HIVEP3: variants seen among roughly 807,000 people sequenced by gnomAD.
The protein encoded by HIVEP3 is transcription factor HIVEP3.
Under a neutral mutation model 152.8 loss-of-function variants are expected in HIVEP3, and 49 were observed. That is an observed-to-expected ratio of 0.32 (90% CI 0.26 to 0.41). The LOEUF is 0.41. HIVEP3 is among the 10% of genes least tolerant of loss of function. HIVEP3 has a pLI of 1.00. For missense variants in HIVEP3, 2,790 were observed against 3,103.3 expected (o/e 0.90, Z 2.40); for synonymous variants, 1,269 against 1,289.0 (o/e 0.98, Z 0.33).
chr1:41,783,639 T>C (rs1385903134), intron 1 of HIVEP3, among the ~76,000 whole-genome samples: 1 of 152,164 alleles, frequency 6.6e-6, no homozygotes, highest in East Asian at 1.9e-4. Context: ...GCATAGATCA[T>C]CTTTCCCTCA....
intron 1 of HIVEP3, among the ~76,000 whole-genome samples, chr1:41,845,171 T>C (rs893433302): frequency 6.6e-6 from 1 of 152,212 alleles, no homozygotes; most frequent in Non-Finnish European, 1.5e-5. Context: ...ACTTAAGTTT[T>C]TCCATGGTAT....
At chr1:41,729,187 T>C (rs1299248312) in intron 1 of HIVEP3, among the ~76,000 whole-genome samples, 2 of 152,128 alleles carry the variant, frequency 1.3e-5, no homozygotes, top group South Asian at 4.1e-4. Context: ...AACGAGATCC[T>C]GGGGGAAGCA....
At chr1:41,775,725 A>G (rs1300432849) in intron 1 of HIVEP3, among the ~76,000 whole-genome samples, 1 of 152,016 alleles carries the variant, frequency 6.6e-6, no homozygotes, top group Non-Finnish European at 1.5e-5. Context: ...CCTGATCCTC[A>G]TGTGGTCCAC....
intron 6 of HIVEP3, 95 bp downstream of exon 6, chr1:41,524,640 C>A: frequency 4.2e-6 from 5 of 1,189,412 alleles, no homozygotes; most frequent in African/African-American, 1.5e-5. Context: ...AGGCCCCCTG[C>A]AAAGAGGTCT....
At chr1:41,908,383 A>G (rs970386884) in intron 1 of HIVEP3, among the ~76,000 whole-genome samples, 1 of 152,190 alleles carries the variant, frequency 6.6e-6, no homozygotes, top group Admixed American at 6.6e-5. Context: ...TAAGACTCTT[A>G]TTGGCAGGTT....
intron 1 of HIVEP3, among the ~76,000 whole-genome samples, chr1:41,872,603 A>C (rs1413976027): frequency 6.6e-6 from 1 of 152,086 alleles, no homozygotes; most frequent in African/African-American, 2.4e-5. Context: ...TTCCCCCTAT[A>C]GATTAGTTTT....
chr1:42,030,606 T>C (rs2124540622), intron 1 of HIVEP3, among the ~76,000 whole-genome samples: 1 of 152,248 alleles, frequency 6.6e-6, no homozygotes, highest in Non-Finnish European at 1.5e-5. Flanking sequence ...TGCCTGGGCC[T>C]ATTCTTATTT....
chr1:41,883,643 C>T (rs1001980880), intron 1 of HIVEP3, among the ~76,000 whole-genome samples: 3 of 152,232 alleles, frequency 2.0e-5, no homozygotes, highest in Non-Finnish European at 2.9e-5. Flanking sequence ...CCCACAGGAT[C>T]GAGCCTGCCC....
At chr1:41,636,825 G>A (rs2149154138) in intron 2 of HIVEP3, among the ~76,000 whole-genome samples, 1 of 152,262 alleles carries the variant, frequency 6.6e-6, no homozygotes, top group East Asian at 1.9e-4. Context: ...CCAGCATGGT[G>A]GCACATGCCT....
chr1:41,960,461 C>G (rs1645163746), intron 1 of HIVEP3, among the ~76,000 whole-genome samples: 1 of 152,180 alleles, frequency 6.6e-6, no homozygotes, highest in African/African-American at 2.4e-5. Context: ...CCAAGTGTCA[C>G]TTGTGACAGA....
intron 1 of HIVEP3, among the ~76,000 whole-genome samples, chr1:42,029,109 C>T (rs1570902500): frequency 6.6e-6 from 1 of 152,202 alleles, no homozygotes; most frequent in East Asian, 1.9e-4. Flanking sequence ...TACCAGGGTA[C>T]AACTTCTGTT....
At chr1:41,544,813 C>T (rs1437534025) in intron 5 of HIVEP3, among the ~76,000 whole-genome samples, 7 of 132,810 alleles carry the variant, frequency 5.3e-5, no homozygotes, top group Admixed American at 1.5e-4. Context: ...ACCACCACTA[C>T]CACCTCTACC....
intron 1 of HIVEP3, among the ~76,000 whole-genome samples, chr1:41,883,213 G>A (rs187417410): frequency 6.6e-6 from 1 of 152,228 alleles, no homozygotes; most frequent in South Asian, 2.1e-4. Context: ...TGACTGGCTG[G>A]GGTGGGACTG....
intron 1 of HIVEP3, among the ~76,000 whole-genome samples, chr1:41,944,859 C>G (rs776359955): frequency 3.3e-5 from 5 of 152,058 alleles, no homozygotes; most frequent in Admixed American, 2.0e-4. Flanking sequence ...AACATTCCCC[C>G]CAAGGCAAAA....
At chr1:42,010,922 C>T (rs1328542795) in intron 1 of HIVEP3, among the ~76,000 whole-genome samples, 1 of 152,138 alleles carries the variant, frequency 6.6e-6, no homozygotes, top group Non-Finnish European at 1.5e-5. Context: ...CTCTTGTCCT[C>T]CATATGTGCT....
At chr1:41,716,410 C>G (rs1462432098) in intron 1 of HIVEP3, among the ~76,000 whole-genome samples, 3 of 152,218 alleles carry the variant, frequency 2.0e-5, no homozygotes, top group Non-Finnish European at 1.5e-5. Flanking sequence ...GCTCTCCCCC[C>G]ATCACCACCT....
At chr1:41,534,418 A>G (rs1332824102) in intron 5 of HIVEP3, among the ~76,000 whole-genome samples, 2 of 146,918 alleles carry the variant, frequency 1.4e-5, no homozygotes, top group African/African-American at 5.1e-5. Flanking sequence ...CCCCAGCACC[A>G]CCCCCTCTCC....
At chr1:41,545,090 CATCGCT>C (rs1290394771) in intron 5 of HIVEP3, among the ~76,000 whole-genome samples, 8 of 130,804 alleles carry the variant, frequency 6.1e-5, no homozygotes, top group Non-Finnish European at 1.2e-4. Flanking sequence ...CCACCTCTAC[CATCGCT>C]ACCATCACCA....
chr1:41,825,731 C>A (rs886876569), intron 1 of HIVEP3, among the ~76,000 whole-genome samples: 2 of 152,064 alleles, frequency 1.3e-5, no homozygotes, highest in Non-Finnish European at 2.9e-5. Flanking sequence ...CTCAACCTCC[C>A]AAGTACCTGG....
Sources: allele counts gnomAD v4.1 joint callset (sites outside exome capture counted in the v4.1 genomes callset), GRCh38; gene constraint gnomAD v4.1.1; transcripts MANE v1.5; gene names NCBI Gene and HGNC (gene_info 2026-07-23, HGNC 2026-07-21).